MSLN: variants seen among roughly 807,000 people sequenced by gnomAD.
MSLN encodes CAK1 antigen.
Under a neutral mutation model 72.6 loss-of-function variants are expected in MSLN, and 82 were observed. That is an observed-to-expected ratio of 1.13 (90% confidence interval 0.94 to 1.36). MSLN has a LOEUF of 1.36. MSLN is among the 40% of genes most tolerant of loss of function. MSLN has a pLI of 0.00. For synonymous variants in MSLN, 456 were observed against 387.3 expected, an observed-to-expected ratio of 1.18 and a Z score of -2.08; for missense variants, 1,005 against 847.9, an observed-to-expected ratio of 1.19 and a Z score of -2.30.
At chr16:767,312 C>A in intron 15 of MSLN, 64 bp from the exon 16 acceptor site, 1 of 1,441,872 alleles carries the variant, frequency 6.9e-7, no homozygotes, top group Non-Finnish European at 9.7e-7. Context: ...TTCCTGCAGC[C>A]TGTGGTCAAG....
chr16:762,544 A>C (rs565123997), intron 2 of MSLN, 128 bp from the exon 3 acceptor site: 20 of 712,614 alleles, frequency 2.8e-5, no homozygotes, highest in Admixed American at 2.6e-4. Context: ...GGGTGCGGAC[A>C]CAAGCTGCAG....
intron 16 of MSLN, 120 bp from the exon 17 acceptor site, chr16:768,259 T>C: frequency 9.6e-7 from 1 of 1,045,602 alleles, no homozygotes; most frequent in Non-Finnish European, 1.3e-6. Flanking sequence ...CTCCGAAGTC[T>C]GGAGAGGCTG....
chr16:765,399 G>A, intron 9 of MSLN, 96 bp downstream of exon 9: 2 of 1,424,784 alleles, frequency 1.4e-6, no homozygotes, highest in Non-Finnish European at 1.9e-6. Context: ...CCCAGGGTCA[G>A]TCACCCCCGC....
rs751273370 is a variant in MSLN, at chr16:766,793, G to C, written c.1356G>C (p.Val452=). 1 of 1,612,484 alleles carries C rather than the reference G, an allele frequency of 6.2e-7. No individual in the cohort carries two copies. Among genetic ancestry groups the C allele is most frequent in the Non-Finnish European group, 8.5e-7 (1 of 1,179,856 alleles). The change falls in exon 14 of 18, where the codon GTG becomes GTC. Residue 452 remains valine, a synonymous_variant. Transcript: ENST00000545450. The part of the protein sequence containing the change: ...CSLSPEELSS[V]PPSSIWAVRP... ...TCAGCCCCGAGGAGCTGAGCTCCGT[G>C]CCCCCCAGCAGCATCTGGTGAGTCC...
Position 768,420 on chromosome 16 carries a change from C to A in MSLN, c.1638C>A (p.His546Gln). ...VAEVQKLLGPHVEGLKAEERH... is the reference protein window; with the variant it reads ...VAEVQKLLGPQVEGLKAEERH... ...AGGTGCAGAAACTTCTGGGACCCCA[C>A]GTGGAGGGCCTGAAGGCGGAGGAGC... The change falls in exon 17 of 18, where the codon CAC becomes CAA. Residue 546 changes from histidine to glutamine, a missense_variant. Transcript: ENST00000545450. The A allele has an allele frequency of 6.6e-7, 1 of 1,516,022 alleles. No individual in the cohort carries two copies. Among genetic ancestry groups the A allele is most frequent in the Non-Finnish European group, 8.8e-7 (1 of 1,130,340 alleles). The allele number at this position is 1,516,022 out of a possible 1,614,324, so 93.9% of individuals were successfully genotyped here. A position where few individuals can be genotyped will look rare whatever the true frequency, so the allele number is the denominator to read the frequency against.
chr16:768,020 G>T (rs1281640724), intron 16 of MSLN, among the ~76,000 whole-genome samples: 1 of 63,830 alleles, frequency 1.6e-5, no homozygotes, highest in Non-Finnish European at 2.8e-5. Flanking sequence ...GCGCATGGGG[G>T]GGTGTGGAGG....
In MSLN at chr16:768,776, C is replaced by G. The variant is rs577248756; in HGVS notation, c.*43C>G. 1 of 1,594,876 alleles carries G rather than the reference C, an allele frequency of 6.3e-7. No individual in the cohort carries two copies. The highest frequency in any genetic ancestry group is 8.6e-7 in the Non-Finnish European group (1 of 1,168,714). ...TGGCCCCAGCCCTGCTGGGGATCCC[C>G]GCCTGGCCAGGAGCAGGCACGGGTG... On this transcript the variant is annotated 3_prime_UTR_variant, in exon 18 of 18. Transcript: ENST00000545450.
In MSLN at chr16:765,245, G is replaced by T; in HGVS notation, c.646G>T (p.Asp216Tyr). 6.3e-7 allele frequency: 1 copy of T among 1,584,144 alleles called. No homozygotes were observed. Among genetic ancestry groups the T allele is most frequent in the East Asian group, 2.3e-5 (1 of 44,130 alleles). Residue 216 changes from aspartate to tyrosine, a missense_variant, in exon 9 of 18, where the codon GAC becomes TAC. Physicochemically the swap from Asp to Tyr is radical, Grantham distance 160 (BLOSUM62 -3). Coordinates refer to ENST00000545450, the MANE Select transcript of MSLN (RefSeq NM_005823.6). ...PRLVSCPGPLDQDQQEAARAA... is the reference protein window; with the variant it reads ...PRLVSCPGPLYQDQQEAARAA... The stretch of plus-strand genomic sequence containing the variant: ...GCTGGTGAGCTGCCCGGGACCCCTG[G>T]ACCAGGACCAGCAGGAGGCAGCCAG...
At chr16:768,316 C>G (rs2041668086) in intron 16 of MSLN, 63 bp from the exon 17 acceptor site, 1 of 1,460,664 alleles carries the variant, frequency 6.8e-7, no homozygotes, top group East Asian at 2.3e-5. Context: ...GAGAGCCTGG[C>G]AGCCCTCTGG....
chr16:768,488 A>G lies in MSLN; in HGVS notation c.1706A>G (p.Asp569Gly). 6.3e-7 allele frequency: 1 copy of G among 1,577,826 alleles called. No homozygotes were observed. The highest frequency in any genetic ancestry group is 1.2e-5 in the South Asian group (1 of 86,148). The change falls in exon 17 of 18, where the codon GAC (aspartate) becomes GGC (glycine). Residue 569 changes from aspartate (D) to glycine (G), a missense_variant. By Grantham distance (94) the Asp-to-Gly change is moderately conservative. Coordinates refer to ENST00000545450, the MANE Select transcript of MSLN (RefSeq NM_005823.6). The part of the protein sequence containing the change: ...VRDWILRQRQ[D>G]DLDTLGLGLQ... The stretch of plus-strand genomic sequence containing the variant: ...GACTGGATCCTACGGCAGCGGCAGG[A>G]CGACCTGGACACGCTGGGGCTGGGG...
chr16:763,304 A>T, intron 4 of MSLN, 28 bp downstream of exon 4: 1 of 1,517,504 alleles, frequency 6.6e-7, no homozygotes, highest in African/African-American at 1.4e-5. Flanking sequence ...GAAACAGGGG[A>T]GGGTCTTCAG....
chr16:763,312 C>A, intron 4 of MSLN, 36 bp downstream of exon 4: 1 of 1,484,600 alleles, frequency 6.7e-7, no homozygotes, highest in Non-Finnish European at 9.1e-7. Context: ...GGAGGGTCTT[C>A]AGGTCCCAGG....
At chr16:763,489 G>A (rs930678840) in intron 4 of MSLN, among the ~76,000 whole-genome samples, 153 bp from the exon 5 acceptor site, 2 of 152,102 alleles carry the variant, frequency 1.3e-5, no homozygotes, top group African/African-American at 4.8e-5. Context: ...GAAGTAGATG[G>A]ATGAGAAGCA....
At position 768,533 on chromosome 16, in the gene MSLN, A is replaced by C; in HGVS notation, c.1751A>C (p.Asn584Thr). The C allele has an allele frequency of 6.2e-7, 1 of 1,601,996 alleles. No homozygotes were observed. Among genetic ancestry groups the C allele is most frequent in the Non-Finnish European group, 8.5e-7 (1 of 1,173,780 alleles). ...CTGGGGCTACAGGGCGGCATCCCCA[A>C]CGGCTACCTGGTCCTAGACCTCAGC... ...LGLGLQGGIP[N>T]GYLVLDLSMQ... The change falls in exon 17 of 18, where the codon AAC (asparagine) becomes ACC (threonine). Residue 584 changes from asparagine (N) to threonine (T), a missense_variant. Transcript: ENST00000545450.
chr16:762,098 G>A (rs1197161994), intron 2 of MSLN, among the ~76,000 whole-genome samples: 2 of 152,224 alleles, frequency 1.3e-5, no homozygotes, highest in African/African-American at 4.8e-5. Flanking sequence ...CACCTGGACT[G>A]CACCTGAAAA....
Position 765,274 on chromosome 16 carries a change from G to T in MSLN, c.675G>T (p.Ala225=), listed in dbSNP as rs780802182. 1 of 1,582,406 alleles carries T rather than the reference G, an allele frequency of 6.3e-7. No individual in the cohort carries two copies. The highest frequency in any genetic ancestry group is 8.5e-7 in the Non-Finnish European group (1 of 1,170,952). ...LDQDQQEAAR[A]ALQGGGPPYG... Reference sequence around the variant, plus strand: ...AGGACCAGCAGGAGGCAGCCAGGGCGGCTCTGCAGGGCGGGGGACCCCCCT... The same window carrying T: ...AGGACCAGCAGGAGGCAGCCAGGGCTGCTCTGCAGGGCGGGGGACCCCCCT... The change falls in exon 9 of 18, where the codon GCG becomes GCT. Residue 225 remains alanine, a synonymous_variant. Coordinates refer to ENST00000545450, the MANE Select transcript of MSLN (RefSeq NM_005823.6).
At position 763,966 on chromosome 16, in the gene MSLN, G is replaced by A. The variant is rs2041569739; in HGVS notation, c.180-57G>A. 4 of 1,585,662 alleles carry A rather than the reference G, an allele frequency of 2.5e-6. No homozygotes were observed. In the South Asian group the frequency reaches 4.5e-5, roughly 18 times the overall value. ...GGGGCTGTGGGGCTTGGGGAGCACT[G>A]GGTGGACATTGCAGGGGAGGGGCGA... On this transcript the variant is annotated intron_variant, in intron 5 of 17. Transcript: ENST00000545450.
In MSLN at chr16:765,292, A is replaced by T. The variant is rs1567357375; in HGVS notation, c.693A>T (p.Gly231=). 1 of 1,575,378 alleles carries T rather than the reference A, an allele frequency of 6.3e-7. No individual in the cohort carries two copies. The change falls in exon 9 of 18, where the codon GGA becomes GGT. Residue 231 remains glycine, a synonymous_variant. Coordinates refer to ENST00000545450, the MANE Select transcript of MSLN (RefSeq NM_005823.6). ...CCAGGGCGGCTCTGCAGGGCGGGGG[A>T]CCCCCCTACGGGTAAGTGAAGGTGT... is the stretch of plus-strand genomic sequence containing the variant. ...EAARAALQGG[G]PPYGPPSTWS... is the part of the protein sequence containing the mutation.
rs763204297 is a variant in MSLN, at chr16:768,576, C to T, written c.1783+11C>T. 2.1e-5 allele frequency: 33 copies of T among 1,606,600 alleles called. 1 individual carries two copies. Among genetic ancestry groups the T allele is most frequent in the East Asian group, 6.7e-5 (3 of 44,662 alleles). ...ACCTCAGCATGCAAGGTGGGCGGGG[C>T]GGCCAGGCCAGGGCTGGGGGCAGAG... On this transcript the variant is annotated intron_variant, in intron 17 of 17. Coordinates refer to ENST00000545450, the MANE Select transcript of MSLN (RefSeq NM_005823.6).
Sources: gnomAD v4.1 joint callset for allele counts (sites outside exome capture counted in the v4.1 genomes callset) on GRCh38, gnomAD v4.1.1 for gene constraint, MANE v1.5 for transcripts, NCBI Gene and HGNC (gene_info 2026-07-23, HGNC 2026-07-21) for gene names.